The following ZNF292 variants were observed in gnomAD, a reference collection of about 807,000 sequenced individuals.
ZNF292 encodes the protein 16 zinc-finger domain protein.
Under a neutral mutation model 217.9 loss-of-function variants are expected in ZNF292, and 26 were observed. The observed-to-expected ratio is 0.12, with a 90% CI of 0.09 to 0.17. ZNF292 has a LOEUF of 0.17. ZNF292 is among the 10% of genes least tolerant of loss of function. ZNF292 has a pLI of 1.00. For synonymous variants in ZNF292, 1,257 were observed against 1,124.1 expected, an observed-to-expected ratio of 1.12 and a Z score of -2.37; for missense variants, 2,904 against 3,175.2, an observed-to-expected ratio of 0.91 and a Z score of 2.05.
At chr6:87,222,981 C>T (rs1385774171) in intron 4 of ZNF292, 12 of 293,126 alleles carry the variant, frequency 4.1e-5, no homozygotes, top group Non-Finnish European at 7.8e-5. Flanking sequence ...GGAGGAAGAC[C>T]AGAAAGGTAA....
chr6:87,160,172 G>A (rs551489828), intron 1 of ZNF292, among the ~76,000 whole-genome samples: 22 of 152,176 alleles, frequency 1.4e-4, no homozygotes, highest in Non-Finnish European at 2.6e-4. Context: ...AGTAAACTAT[G>A]ATTTATATAT....
chr6:87,184,684 A>C (rs1350643807), intron 1 of ZNF292, among the ~76,000 whole-genome samples: 1 of 152,172 alleles, frequency 6.6e-6, no homozygotes, highest in African/African-American at 2.4e-5. Flanking sequence ...GGAGTTCCAC[A>C]ACAGTCCATC....
At chr6:87,241,981 G>A (rs1392660029) in intron 5 of ZNF292, among the ~76,000 whole-genome samples, 2 of 152,156 alleles carry the variant, frequency 1.3e-5, no homozygotes, top group East Asian at 1.9e-4. Flanking sequence ...CTTAGGATGG[G>A]CGTGTTGGGA....
chr6:87,185,134 G>A (rs1055618186), intron 1 of ZNF292, among the ~76,000 whole-genome samples: 6 of 152,104 alleles, frequency 3.9e-5, no homozygotes, highest in African/African-American at 7.2e-5. Context: ...CTTTGACCAC[G>A]TACCCATATG....
chr6:87,211,932 C>T (rs1045525144), intron 1 of ZNF292, among the ~76,000 whole-genome samples: 2 of 152,102 alleles, frequency 1.3e-5, no homozygotes, highest in African/African-American at 4.8e-5. Context: ...TATAGACATT[C>T]ATTCATTCTT....
Position 87,256,562 on chromosome 6 carries a change from G to A in ZNF292, c.2933G>A (p.Cys978Tyr), listed in dbSNP as rs765496746. The change falls in exon 8 of 8, where the codon TGT (cysteine) becomes TAT (tyrosine). Residue 978 changes from cysteine to tyrosine, a missense_variant. By Grantham distance (194) the Cys-to-Tyr change is radical. Around this residue, in one of 15 missense-constraint regions of ZNF292, gnomAD observed 687 missense variants for 623.0 expected, o/e 1.10. Coordinates refer to ENST00000369577, the MANE Select transcript of ZNF292 (RefSeq NM_015021.3). ...TDLHTPVEDTCNDLCHPGFQE... is the reference protein window; with the variant it reads ...TDLHTPVEDTYNDLCHPGFQE... ...TTACATACGCCAGTTGAAGATACTT[G>A]TAATGATTTGTGTCATCCAGGTTTC... 1 of 1,613,554 alleles carries A rather than the reference G, an allele frequency of 6.2e-7. No individual in the cohort carries two copies. The highest frequency in any genetic ancestry group is 8.5e-7 in the Non-Finnish European group (1 of 1,179,830).
At chr6:87,187,514 T>G (rs538094945) in intron 1 of ZNF292, among the ~76,000 whole-genome samples, 1 of 151,692 alleles carries the variant, frequency 6.6e-6, no homozygotes, top group African/African-American at 2.4e-5. Flanking sequence ...AGGTCAGGAG[T>G]TTGAGACCAG....
intron 1 of ZNF292, among the ~76,000 whole-genome samples, chr6:87,201,912 T>A (rs1226818587): frequency 6.6e-6 from 1 of 152,242 alleles, no homozygotes; most frequent in Admixed American, 6.5e-5. Flanking sequence ...TAATTCTGTT[T>A]TAAAGCTCTT....
Position 87,258,197 on chromosome 6 carries a change from T to A in ZNF292, c.4568T>A (p.Val1523Glu). 1 of 1,611,702 alleles carries A rather than the reference T, an allele frequency of 6.2e-7. No homozygotes were observed. The change falls in exon 8 of 8, where the codon GTA (valine) becomes GAA (glutamate). Residue 1523 changes from valine (V) to glutamate (E), a missense_variant. Physicochemically the swap from Val to Glu is moderately radical, Grantham distance 121. Coordinates refer to ENST00000369577, the MANE Select transcript of ZNF292 (RefSeq NM_015021.3). ...STGCVSDASQ[V>E]NATVMPNPTV... ...GGTTGTGTCTCTGATGCATCACAAGTAAATGCAACGGTGATGCCAAATCCA... is the reference window on the plus strand; with the variant it reads ...GGTTGTGTCTCTGATGCATCACAAGAAAATGCAACGGTGATGCCAAATCCA...
rs201489321 is a variant in ZNF292 at position 87,208,457 on chromosome 6, C to CT, written c.169-7440dup. Among the ~76,000 whole-genome samples the CT allele has an allele frequency of 9.4e-3, 1,432 of 151,952 alleles. 19 individuals are homozygous for CT. Among genetic ancestry groups the CT allele is most frequent in the African/African-American group, 0.033 (1,348 of 41,462 alleles). On this transcript the variant is annotated intron_variant, in intron 1 of 7. Transcript: ENST00000369577. ...TCTCCTATCCATAATTTTTATTAGT[C>CT]TTTTTTCCCTTAACTATTTCTTATA...
rs1562113301 is a variant in ZNF292, at chr6:87,155,675, G to A, written c.84G>A (p.Arg28=). 1.3e-6 allele frequency: 2 copies of A among 1,587,948 alleles called. No homozygotes were observed. Among genetic ancestry groups the A allele is most frequent in the East Asian group, 2.3e-5 (1 of 43,690 alleles). ...CVAELQRLGE[R]LQELELQLRE... is the part of the protein sequence containing the mutation. ...CGGAGCTGCAGCGCCTGGGCGAGCG[G>A]CTCCAGGAGCTGGAGCTACAGCTGC... Residue 28 remains arginine, a synonymous_variant, in exon 1 of 8, where the codon CGG becomes CGA. Transcript: ENST00000369577.
In ZNF292 at chr6:87,260,019, C is replaced by T. The variant is rs3734187; in HGVS notation, c.6390C>T (p.Asn2130=). The T allele has an allele frequency of 0.51, 817,810 of 1,613,190 alleles. 209,974 individuals carry two copies. Among genetic ancestry groups the T allele is most frequent in the Admixed American group, 0.66 (39,628 of 59,924 alleles). Residue 2130 remains asparagine (N), a synonymous_variant, in exon 8 of 8, where the codon AAC becomes AAT. Transcript: ENST00000369577. ...TTGCTGCCTTTACGATACAGCAAAA[C>T]TTGATTCTCCATTACCAGGCTGTAC... The part of the protein sequence containing the change: ...GCFAAFTIQQ[N]LILHYQAVHK...
At chr6:87,224,323 CTT>C (rs1296339138) in intron 4 of ZNF292, among the ~76,000 whole-genome samples, 2 of 151,764 alleles carry the variant, frequency 1.3e-5, no homozygotes, top group African/African-American at 4.8e-5. Context: ...TCCTAAATAA[CTT>C]TTTTTTCAAT....
chr6:87,181,009 GGAAGCTTT>G (rs1771454686), intron 1 of ZNF292, among the ~76,000 whole-genome samples: 1 of 152,170 alleles, frequency 6.6e-6, no homozygotes, highest in South Asian at 2.1e-4. Context: ...GAGACCAGGA[GGAAGCTTT>G]GGGCTCTTGG....
At chr6:87,239,604 T>C (rs147099644) in intron 5 of ZNF292, among the ~76,000 whole-genome samples, 88,235 of 138,924 alleles carry the variant, frequency 0.64, 29,176 homozygotes, top group African/African-American at 0.85. Context: ...GGGCGGCTGC[T>C]GGACGGAGGG....
intron 1 of ZNF292, chr6:87,169,680 A>G: frequency 2.3e-6 from 1 of 439,618 alleles, no homozygotes; most frequent in South Asian, 1.6e-5. Context: ...ACAGGGTCTC[A>G]CTGTCACCCA....
chr6:87,216,447 T>C, intron 3 of ZNF292, 70 bp downstream of exon 3: 1 of 1,175,018 alleles, frequency 8.5e-7, no homozygotes, highest in Non-Finnish European at 1.2e-6. Context: ...TTAAAAAAAT[T>C]ATTCAGTTAA....
At chr6:87,220,065 CA>C (rs1773004543) in intron 4 of ZNF292, among the ~76,000 whole-genome samples, 1 of 152,084 alleles carries the variant, frequency 6.6e-6, no homozygotes, top group Non-Finnish European at 1.5e-5. Context: ...GGGCTCAAGC[CA>C]TCCTCCCACC....
chr6:87,212,896 T>C (rs1372344099), intron 1 of ZNF292, among the ~76,000 whole-genome samples: 10 of 152,238 alleles, frequency 6.6e-5, no homozygotes, highest in Admixed American at 4.6e-4. Context: ...ATAAGAAATA[T>C]AAGTTCTTCT....
Sources: gnomAD v4.1 joint callset for allele counts (sites outside exome capture counted in the v4.1 genomes callset) on GRCh38, gnomAD v4.1.1 for gene constraint, gnomAD v4.1.1 regional missense constraint, MANE v1.5 for transcripts, NCBI Gene and HGNC (gene_info 2026-07-23, HGNC 2026-07-21) for gene names.